GAPVD1: variants seen among roughly 807,000 people sequenced by gnomAD.
GAPVD1 encodes the protein GTPase activating protein and VPS9 domains 1.
GAPVD1 carries 35 observed loss-of-function variants against 155.5 expected under a neutral mutation model. That is an observed-to-expected ratio of 0.23 (90% CI 0.17 to 0.30). GAPVD1 has a LOEUF of 0.30. GAPVD1 is among the 10% of genes least tolerant of loss of function. The probability of loss-of-function intolerance (pLI) is 1.00; values close to 1 mark genes in which losing one functional copy is unlikely to be tolerated. For synonymous variants in GAPVD1, 636 were observed against 619.7 expected, an observed-to-expected ratio of 1.03 and a Z score of -0.39; for missense variants, 1,429 against 1,775.7, an observed-to-expected ratio of 0.80 and a Z score of 3.51.
chr9:125,348,950 A>G (rs1281608415), intron 20 of GAPVD1, among the ~76,000 whole-genome samples: 2 of 152,368 alleles, frequency 1.3e-5, no homozygotes, highest in Non-Finnish European at 2.9e-5. Context: ...ACCTTAACCC[A>G]TAGTCAACCT....
At chr9:125,280,288 T>C (rs528020694) in intron 2 of GAPVD1, among the ~76,000 whole-genome samples, 1 of 144,514 alleles carries the variant, frequency 6.9e-6, no homozygotes, top group African/African-American at 2.5e-5. Flanking sequence ...CCCAGCTACT[T>C]GGGAGGCTGA....
chr9:125,336,930 G>A (rs895913067), intron 15 of GAPVD1, 88 bp from the exon 16 acceptor site: 34 of 731,700 alleles, frequency 4.6e-5, no homozygotes, highest in Admixed American at 4.0e-4. Context: ...AAAAGGAACC[G>A]TCAAAGAATA....
intron 4 of GAPVD1, among the ~76,000 whole-genome samples, chr9:125,299,577 C>T (rs535330258): frequency 6.7e-4 from 102 of 151,444 alleles, no homozygotes; most frequent in Middle Eastern, 3.5e-3. Flanking sequence ...ATTGCTTGAA[C>T]CCGGGAGGTG....
Position 125,307,479 on chromosome 9 carries a change from T to C in GAPVD1, c.1183T>C (p.Ser395Pro). The change falls in exon 7 of 28, where the codon TCC becomes CCC. Residue 395 changes from serine (S) to proline (P), a missense_variant. By Grantham distance (74) the Ser-to-Pro change is moderately conservative. Around this residue, in one of 4 missense-constraint regions of GAPVD1, gnomAD observed 628 missense variants for 733.4 expected, o/e 0.86. Coordinates refer to ENST00000297933, the MANE Select transcript of GAPVD1 (RefSeq NM_001282680.3). ...TGCAGTGGAGACCCCTCCATTGTCT[T>C]CCGTCAATCTTCTGGAAGGATTGAG... ...GRAVETPPLS[S>P]VNLLEGLSRT... 4 of 1,610,560 alleles carry C rather than the reference T, an allele frequency of 2.5e-6. No homozygotes were observed. The highest frequency in any genetic ancestry group is 3.4e-6 in the Non-Finnish European group (4 of 1,176,804).
chr9:125,277,468 A>G (rs1322456218), intron 2 of GAPVD1, among the ~76,000 whole-genome samples: 1 of 152,204 alleles, frequency 6.6e-6, no homozygotes, highest in African/African-American at 2.4e-5. Flanking sequence ...ATAGAAGTGT[A>G]GTTTGTGAAA....
rs1402399606 is a variant in GAPVD1, at chr9:125,302,137, T to G, written c.340T>G (p.Leu114Val). 1 of 1,614,030 alleles carries G rather than the reference T, an allele frequency of 6.2e-7. No individual in the cohort carries two copies. Among genetic ancestry groups the G allele is most frequent in the South Asian group, 1.1e-5 (1 of 91,082 alleles). ...RENPRLIASSLVAGEKLNQEN... is the reference protein window; with the variant it reads ...RENPRLIASSVVAGEKLNQEN... Reference sequence around the variant, plus strand: ...AAATCCTCGTCTTATTGCCTCCTCTTTGGTTGCTGGAGAGAAACTTAATCA... The same window carrying G: ...AAATCCTCGTCTTATTGCCTCCTCTGTGGTTGCTGGAGAGAAACTTAATCA... Residue 114 changes from leucine to valine, a missense_variant, in exon 5 of 28, where the codon TTG (leucine) becomes GTG (valine). By Grantham distance (32) the Leu-to-Val change is conservative. Transcript: ENST00000297933.
intron 9 of GAPVD1, among the ~76,000 whole-genome samples, chr9:125,317,380 C>G (rs1206856949): frequency 6.6e-6 from 1 of 150,762 alleles, no homozygotes; most frequent in Non-Finnish European, 1.5e-5. Context: ...AATCCCAGCA[C>G]TCTGGGAGGC....
intron 2 of GAPVD1, among the ~76,000 whole-genome samples, chr9:125,281,062 G>A (rs771480484): frequency 6.6e-6 from 1 of 152,064 alleles, no homozygotes; most frequent in African/African-American, 2.4e-5. Flanking sequence ...TTTCATTTGT[G>A]ATCACAGTGA....
At chr9:125,314,690 GAAAC>G (rs1472681492) in intron 9 of GAPVD1, among the ~76,000 whole-genome samples, 1 of 150,790 alleles carries the variant, frequency 6.6e-6, no homozygotes, top group Non-Finnish European at 1.5e-5. Context: ...ACAGAAAAAA[GAAAC>G]AAAAAGACAA....
chr9:125,308,121 T>A, intron 8 of GAPVD1: 1 of 556,532 alleles, frequency 1.8e-6, no homozygotes, highest in African/African-American at 1.9e-5. Context: ...CAGTATACTT[T>A]CTTTAAATTT....
chr9:125,293,748 T>C (rs1446885415), intron 2 of GAPVD1, among the ~76,000 whole-genome samples: 1 of 95,210 alleles, frequency 1.1e-5, no homozygotes, highest in East Asian at 2.5e-4. Context: ...TATGTTTTTA[T>C]AAAATATATA....
chr9:125,353,493 C>T (rs533591571), intron 23 of GAPVD1, among the ~76,000 whole-genome samples: 73 of 152,254 alleles, frequency 4.8e-4, no homozygotes, highest in African/African-American at 1.6e-3. Context: ...TTCACATTTT[C>T]GGGTGTCTTT....
intron 13 of GAPVD1, 97 bp downstream of exon 13, chr9:125,330,315 CACT>C: frequency 1.4e-6 from 1 of 690,004 alleles, no homozygotes; most frequent in Non-Finnish European, 2.2e-6. Flanking sequence ...TTGTCAAATA[CACT>C]TTTTTTTTTT....
chr9:125,324,565 G>A (rs2131591437), intron 11 of GAPVD1, among the ~76,000 whole-genome samples: 1 of 152,152 alleles, frequency 6.6e-6, no homozygotes, highest in Middle Eastern at 3.4e-3. Context: ...CAACAGGCTG[G>A]GCAAAAAGAG....
intron 17 of GAPVD1, among the ~76,000 whole-genome samples, chr9:125,338,024 C>T (rs547744040): frequency 4.6e-4 from 70 of 152,168 alleles, no homozygotes; most frequent in African/African-American, 1.5e-3. Flanking sequence ...TACAGGCATG[C>T]GCCACCACAC....
chr9:125,287,993 G>C (rs1017598575), intron 2 of GAPVD1: 10 of 152,066 alleles, frequency 6.6e-5, no homozygotes, highest in African/African-American at 2.4e-4. Context: ...GCCTGTCTTG[G>C]CCTCCCAAAA....
intron 20 of GAPVD1, among the ~76,000 whole-genome samples, chr9:125,347,626 A>T (rs963375764): frequency 6.6e-6 from 1 of 152,080 alleles, no homozygotes; most frequent in Non-Finnish European, 1.5e-5. Context: ...TGGTTGAGGC[A>T]TAAGAATTGC....
chr9:125,352,415 A>G (rs918465343), intron 23 of GAPVD1, among the ~76,000 whole-genome samples: 5 of 152,234 alleles, frequency 3.3e-5, no homozygotes, highest in African/African-American at 1.2e-4. Context: ...GTGCACCCAC[A>G]GGCTCAACAC....
intron 13 of GAPVD1, 99 bp downstream of exon 13, chr9:125,330,317 C>CTTT: frequency 2.9e-4 from 146 of 508,066 alleles, no homozygotes; most frequent in South Asian, 4.5e-4. Flanking sequence ...GTCAAATACA[C>CTTT]TTTTTTTTTT....
Sources: allele counts gnomAD v4.1 joint callset (sites outside exome capture counted in the v4.1 genomes callset), GRCh38; gene constraint gnomAD v4.1.1; regional missense constraint gnomAD v4.1.1; transcripts MANE v1.5; gene names NCBI Gene and HGNC (gene_info 2026-07-23, HGNC 2026-07-21).